The following MACROD2 variants were observed in gnomAD, a reference collection of about 807,000 sequenced individuals.
The protein encoded by MACROD2 is ADP-ribose glycohydrolase MACROD2.
A neutral mutation model predicts 70.4 loss-of-function variants in MACROD2; 36 were observed. That is an observed-to-expected ratio of 0.51 (90% CI 0.39 to 0.68). The LOEUF is 0.68. Among genes scored for constraint, MACROD2 ranks in the 30% least tolerant of loss-of-function variants. The pLI is 0.00. For synonymous variants in MACROD2, 172 were observed against 178.8 expected, an observed-to-expected ratio of 0.96 and a Z score of 0.30; for missense variants, 496 against 538.4, an observed-to-expected ratio of 0.92 and a Z score of 0.78.
At chr20:15,237,402 T>C (rs1228569262) in intron 6 of MACROD2, among the ~76,000 whole-genome samples, 2 of 152,240 alleles carry the variant, frequency 1.3e-5, no homozygotes, top group Non-Finnish European at 2.9e-5. Context: ...TCCTTCTTCA[T>C]TGCGTGTTCT....
intron 4 of MACROD2, among the ~76,000 whole-genome samples, chr20:14,551,931 C>T (rs905543317): frequency 1.1e-4 from 17 of 152,198 alleles, no homozygotes; most frequent in African/African-American, 3.1e-4. Flanking sequence ...GAAGGTAAAA[C>T]TCTACTTATT....
chr20:15,160,087 T>C (rs1164874380), intron 5 of MACROD2, among the ~76,000 whole-genome samples: 1 of 144,468 alleles, frequency 6.9e-6, no homozygotes, highest in East Asian at 2.1e-4. Flanking sequence ...AAGTCACTGA[T>C]ACCCTTGTAA....
intron 8 of MACROD2, among the ~76,000 whole-genome samples, chr20:15,751,415 G>A (rs75763238): frequency 0.021 from 3,165 of 152,082 alleles, 112 homozygotes; most frequent in African/African-American, 0.072. Context: ...ACACTATGTA[G>A]CTAGAAGTAT....
intron 3 of MACROD2, among the ~76,000 whole-genome samples, chr20:14,193,178 T>C (rs2081402239): frequency 1.3e-5 from 2 of 152,186 alleles, no homozygotes; most frequent in Non-Finnish European, 2.9e-5. Context: ...TTAAAGTGTG[T>C]ACCCATTCTT....
intron 3 of MACROD2, among the ~76,000 whole-genome samples, chr20:14,349,202 T>G (rs2083095449): frequency 6.6e-6 from 1 of 151,866 alleles, no homozygotes; most frequent in Non-Finnish European, 1.5e-5. Context: ...TTTTTTTTTT[T>G]TTTTTTTACA....
chr20:14,847,067 G>T (rs1240514845), intron 5 of MACROD2, among the ~76,000 whole-genome samples: 1 of 144,610 alleles, frequency 6.9e-6, no homozygotes, highest in East Asian at 2.0e-4. Context: ...AAAGAAACAA[G>T]TATCTTTTCA....
At chr20:14,946,085 G>C (rs571164062) in intron 5 of MACROD2, among the ~76,000 whole-genome samples, 14 of 152,208 alleles carry the variant, frequency 9.2e-5, no homozygotes, top group African/African-American at 2.4e-4. Flanking sequence ...TGTAATCCCA[G>C]CTACTGGGGA....
At chr20:14,253,480 A>G (rs916583044) in intron 3 of MACROD2, among the ~76,000 whole-genome samples, 5 of 151,998 alleles carry the variant, frequency 3.3e-5, no homozygotes, top group African/African-American at 4.8e-5. Flanking sequence ...TTTTCCCCAA[A>G]TATACTAATT....
At chr20:14,721,254 C>CAAA (rs200181158) in intron 5 of MACROD2, among the ~76,000 whole-genome samples, 4 of 90,292 alleles carry the variant, frequency 4.4e-5, no homozygotes, top group Non-Finnish European at 8.8e-5. Context: ...GACCCCATCT[C>CAAA]AAAAAAAAAA....
chr20:14,647,748 C>G (rs1332114635), intron 4 of MACROD2, among the ~76,000 whole-genome samples: 1 of 152,232 alleles, frequency 6.6e-6, no homozygotes, highest in African/African-American at 2.4e-5. Context: ...GACTGAGAGA[C>G]AATACTCCAG....
chr20:14,194,225 G>A (rs1181825179), intron 3 of MACROD2, among the ~76,000 whole-genome samples: 2 of 152,056 alleles, frequency 1.3e-5, no homozygotes, highest in Non-Finnish European at 1.5e-5. Flanking sequence ...GGCTTATGAC[G>A]GGAACAGAAC....
At chr20:14,719,482 A>C (rs1221980842) in intron 5 of MACROD2, among the ~76,000 whole-genome samples, 3 of 151,788 alleles carry the variant, frequency 2.0e-5, no homozygotes, top group African/African-American at 7.3e-5. Context: ...AGAAAAAAAA[A>C]AAAAAGAAAG....
In MACROD2 at chr20:14,657,515, G is replaced by A. The variant is rs1008289571; in HGVS notation, c.302-27328G>A. On this transcript the variant is annotated intron_variant, in intron 4 of 17. Transcript: ENST00000684519. ...TGAGAAAAGATTACATATCTCTAGG[G>A]TTTTGGCCTTCTAATTACTAGGGGG... Among the ~76,000 whole-genome samples the A allele has an allele frequency of 3.4e-4, 51 of 152,206 alleles. 1 individual carries two copies. Among genetic ancestry groups the A allele is most frequent in the Non-Finnish European group, 2.6e-4 (18 of 68,040 alleles).
At chr20:16,018,198 G>A (rs1279539895) in intron 15 of MACROD2, among the ~76,000 whole-genome samples, 1 of 152,232 alleles carries the variant, frequency 6.6e-6, no homozygotes, top group African/African-American at 2.4e-5. Flanking sequence ...CAAAGGTGTA[G>A]AGAAATTAAG....
At chr20:14,850,831 A>G (rs746439324) in intron 5 of MACROD2, among the ~76,000 whole-genome samples, 1 of 152,216 alleles carries the variant, frequency 6.6e-6, no homozygotes, top group Non-Finnish European at 1.5e-5. Context: ...AGAAGCCTCA[A>G]CATAGGAAAA....
intron 5 of MACROD2, among the ~76,000 whole-genome samples, chr20:15,028,637 A>C (rs1043149474): frequency 6.6e-6 from 1 of 152,072 alleles, no homozygotes; most frequent in Non-Finnish European, 1.5e-5. Context: ...GGTGGAGAAT[A>C]AATGGAAACC....
At chr20:14,493,308 A>G (rs2084814974) in intron 3 of MACROD2, among the ~76,000 whole-genome samples, 171 bp from the exon 4 acceptor site, 1 of 152,042 alleles carries the variant, frequency 6.6e-6, no homozygotes, top group African/African-American at 2.4e-5. Context: ...TTAATTTTCA[A>G]ACTCTCATAA....
In MACROD2 at chr20:14,673,543, T is replaced by C. The variant is rs955136929; in HGVS notation, c.302-11300T>C. 3.9e-5 allele frequency among the ~76,000 whole-genome samples: 6 copies of C among 152,298 alleles called. 1 individual carries two copies. Among genetic ancestry groups the C allele is most frequent in the African/African-American group, 1.4e-4 (6 of 41,568 alleles). ...TGACCACAATTATAGGGCCATAAAA[T>C]CTGAATTCATATCTGCCACTTAGGT... On this transcript the variant is annotated intron_variant, in intron 4 of 17. Coordinates refer to ENST00000684519, the MANE Select transcript of MACROD2 (RefSeq NM_001351661.2).
At chr20:14,380,392 G>A (rs1016756188) in intron 3 of MACROD2, among the ~76,000 whole-genome samples, 6 of 151,778 alleles carry the variant, frequency 4.0e-5, no homozygotes, top group Non-Finnish European at 7.4e-5. Flanking sequence ...AGTGTCCTTC[G>A]GTACACAGAG....
Sources: allele counts gnomAD v4.1 joint callset (sites outside exome capture counted in the v4.1 genomes callset), GRCh38; gene constraint gnomAD v4.1.1; transcripts MANE v1.5; gene names NCBI Gene and HGNC (gene_info 2026-07-23, HGNC 2026-07-21).